Variants in ARMC1 observed in about 807,000 individuals in gnomAD.
The protein encoded by ARMC1 is armadillo repeat-containing protein 1.
Under a neutral mutation model 31.4 loss-of-function variants are expected in ARMC1, and 16 were observed. The observed-to-expected ratio is 0.51, with a 90% confidence interval of 0.34 to 0.77. The LOEUF (loss-of-function observed/expected upper bound fraction) is 0.77. ARMC1 is among the 30% of genes least tolerant of loss of function. The probability of loss-of-function intolerance (pLI) is 0.01; values close to 1 mark genes in which losing one functional copy is unlikely to be tolerated. For synonymous variants in ARMC1, 114 were observed against 118.9 expected, an observed-to-expected ratio of 0.96 and a Z score of 0.27; for missense variants, 259 against 347.5, an observed-to-expected ratio of 0.75 and a Z score of 2.02.
intron 3 of ARMC1, among the ~76,000 whole-genome samples, chr8:65,615,277 T>C (rs1192805942): frequency 2.0e-5 from 3 of 152,166 alleles, no homozygotes; most frequent in African/African-American, 4.8e-5. Flanking sequence ...AGCATTTTTA[T>C]TGATAGCTAT....
At chr8:65,609,224 T>C (rs1400456174) in intron 4 of ARMC1, among the ~76,000 whole-genome samples, 3 of 150,530 alleles carry the variant, frequency 2.0e-5, no homozygotes, top group African/African-American at 4.9e-5. Flanking sequence ...TGCCTTAGCC[T>C]CCCATATAGC....
rs1411562340 is a variant in ARMC1, at chr8:65,603,823, G to A, written c.*571C>T. ...TTCTAGGGGACTACTGTGTTCAAAT[G>A]AATGTTTTTAATCTGCAAAATGTCA... On this transcript the variant is annotated 3_prime_UTR_variant, in exon 7 of 7. Transcript: ENST00000276569. The A allele has an allele frequency of 1.3e-5, 2 of 152,582 alleles. No individual in the cohort carries two copies. The highest frequency in any genetic ancestry group is 4.8e-5 in the African/African-American group (2 of 41,450). 9.5% of individuals were successfully genotyped at this position (152,582 alleles called of 1,614,324 possible).
In ARMC1 at chr8:65,627,240, A is replaced by T. The variant is rs142172461; in HGVS notation, c.159T>A (p.Pro53=). 4.2e-5 allele frequency: 66 copies of T among 1,586,470 alleles called. No individual in the cohort carries two copies. The highest frequency in any genetic ancestry group is 5.2e-5 in the Non-Finnish European group (61 of 1,164,724). Residue 53 remains proline (P), a synonymous_variant, in exon 2 of 7, where the codon CCT becomes CCA. Coordinates refer to ENST00000276569, the MANE Select transcript of ARMC1 (RefSeq NM_018120.6). ...GLILFMDHPN[P]PVVHSALLAL... ...CAAGCAAAGCGGAGTGGACGACTGG[A>T]GGGTTGGGATGGTCCATAAATAAAA...
chr8:65,605,558 T>C lies in ARMC1; in HGVS notation c.466-20A>G. 6.5e-7 allele frequency: 1 copy of C among 1,532,220 alleles called. No individual in the cohort carries two copies. Among genetic ancestry groups the C allele is most frequent in the East Asian group, 2.2e-5 (1 of 44,452 alleles). 94.9% of individuals were successfully genotyped at this position (1,532,220 alleles called of 1,614,324 possible). A position where few individuals can be genotyped will look rare whatever the true frequency, so the allele number is the denominator to read the frequency against. ...CCGAGACTGAAAAAGTAAAAGCAAA[T>C]TGTTATGAAAATAGGTAAATAAAAG... is the stretch of plus-strand genomic sequence containing the variant. On this transcript the variant is annotated intron_variant, in intron 4 of 6. Coordinates refer to ENST00000276569, the MANE Select transcript of ARMC1 (RefSeq NM_018120.6).
At position 65,603,683 on chromosome 8, in the gene ARMC1, TCAAA is replaced by T. The variant is rs900926270; in HGVS notation, c.*707_*710del. 4.6e-5 allele frequency: 7 copies of T among 152,214 alleles called. No individual in the cohort carries two copies. Among genetic ancestry groups the T allele is most frequent in the Non-Finnish European group, 1.0e-4 (7 of 68,038 alleles). The allele number at this position is 152,214 out of a possible 1,614,324, so 9.4% of individuals were successfully genotyped here. On this transcript the variant is annotated 3_prime_UTR_variant, in exon 7 of 7. Coordinates refer to ENST00000276569, the MANE Select transcript of ARMC1 (RefSeq NM_018120.6). ...CAACTAGAACCACATTTGGTCACAT[TCAAA>T]CAGTCTCCAAAAACACTTCACTAAT...
At chr8:65,624,827 A>C (rs1657402966) in intron 2 of ARMC1, among the ~76,000 whole-genome samples, 1 of 152,196 alleles carries the variant, frequency 6.6e-6, no homozygotes, top group South Asian at 2.1e-4. Flanking sequence ...TCATAAAAAC[A>C]ACACACCCAA....
chr8:65,631,423 G>A (rs147656703), intron 1 of ARMC1, among the ~76,000 whole-genome samples: 8,279 of 152,196 alleles, frequency 0.054, 288 homozygotes, highest in Non-Finnish European at 0.082. Context: ...TAGTAGAGAC[G>A]GGGTTTCGCC....
chr8:65,616,958 G>A (rs1444698358), intron 3 of ARMC1, among the ~76,000 whole-genome samples: 1 of 151,824 alleles, frequency 6.6e-6, no homozygotes, highest in Non-Finnish European at 1.5e-5. Flanking sequence ...TCTGGGAAGT[G>A]AGGAGCGTCT....
At chr8:65,607,840 A>AT (rs1247777137) in intron 4 of ARMC1, among the ~76,000 whole-genome samples, 13 of 152,002 alleles carry the variant, frequency 8.6e-5, no homozygotes, top group Middle Eastern at 6.8e-3. Context: ...AAGACCTTTA[A>AT]TTTTTTTTAT....
rs1808530657 is a variant in ARMC1, at chr8:65,627,269, G to A, written c.130C>T (p.Leu44Phe). 2 of 1,612,040 alleles carry A rather than the reference G, an allele frequency of 1.2e-6. No homozygotes were observed. The highest frequency in any genetic ancestry group is 1.7e-6 in the Non-Finnish European group (2 of 1,179,082). The stretch of plus-strand genomic sequence containing the variant: ...TTGGGATGGTCCATAAATAAAATAA[G>A]GCCAGGCAGACATCCCTGATCCTGG... ...IVQDQGCLPG[L>F]ILFMDHPNPP... Residue 44 changes from leucine (L) to phenylalanine (F), a missense_variant, in exon 2 of 7, where the codon CTT becomes TTT. Coordinates refer to ENST00000276569, the MANE Select transcript of ARMC1 (RefSeq NM_018120.6).
At chr8:65,617,725 AC>A (rs1808302340) in intron 3 of ARMC1, among the ~76,000 whole-genome samples, 1 of 152,150 alleles carries the variant, frequency 6.6e-6, no homozygotes, top group African/African-American at 2.4e-5. Context: ...ACTGTTGGGT[AC>A]TACGCTCACT....
chr8:65,626,836 C>G (rs1048285772), intron 2 of ARMC1, among the ~76,000 whole-genome samples: 1 of 151,974 alleles, frequency 6.6e-6, no homozygotes, highest in Admixed American at 6.6e-5. Context: ...GCCAACATGG[C>G]GAAACCCTAT....
At chr8:65,619,977 CAAA>C (rs530126937) in intron 3 of ARMC1, among the ~76,000 whole-genome samples, 3 of 94,420 alleles carry the variant, frequency 3.2e-5, no homozygotes, top group Admixed American at 1.2e-4. Context: ...GGATGAGACT[CAAA>C]AAAAAAAAAA....
chr8:65,619,631 G>A (rs865980419), intron 3 of ARMC1, among the ~76,000 whole-genome samples: 1 of 152,034 alleles, frequency 6.6e-6, no homozygotes, highest in Admixed American at 6.6e-5. Context: ...AGGATCACTT[G>A]AGTCCAGGAG....
At chr8:65,623,036 G>A (rs1266576444) in intron 2 of ARMC1, among the ~76,000 whole-genome samples, 3 of 150,592 alleles carry the variant, frequency 2.0e-5, no homozygotes, top group African/African-American at 2.4e-5. Flanking sequence ...AAGGCTGGGC[G>A]CAGTGGCTCA....
rs763968681 is a variant in ARMC1 at position 65,604,466 on chromosome 8, G to C, written c.777C>G (p.Gly259=). 1.4e-5 allele frequency: 23 copies of C among 1,614,186 alleles called. No individual in the cohort carries two copies. Among genetic ancestry groups the C allele is most frequent in the Non-Finnish European group, 1.9e-5 (22 of 1,180,040 alleles). The stretch of plus-strand genomic sequence containing the variant: ...AGCTAGCTCCACCTTCTGGGTGTGA[G>C]CCGACCCGGGACACCGCTTTGTCCT... The part of the protein sequence containing the change: ...KEQDKAVSRV[G]SHPEGGASWL... Residue 259 remains glycine, a synonymous_variant, in exon 7 of 7, where the codon GGC becomes GGG. Coordinates refer to ENST00000276569, the MANE Select transcript of ARMC1 (RefSeq NM_018120.6).
At chr8:65,626,511 CTG>C (rs1182931493) in intron 2 of ARMC1, among the ~76,000 whole-genome samples, 1 of 150,998 alleles carries the variant, frequency 6.6e-6, no homozygotes, top group East Asian at 1.9e-4. Flanking sequence ...ACACACAACT[CTG>C]TGAATATACT....
chr8:65,604,286 T>C lies in ARMC1; in HGVS notation c.*108A>G, dbSNP rs1024460738. On this transcript the variant is annotated 3_prime_UTR_variant, in exon 7 of 7. Transcript: ENST00000276569. ...ATGCAGCATATGCGATCGTGTAATC[T>C]AAAAACTTTTCATGATAACTTATTG... 13 of 1,079,484 alleles carry C rather than the reference T, an allele frequency of 1.2e-5. No homozygotes were observed. Among genetic ancestry groups the C allele is most frequent in the Middle Eastern group, 3.2e-4 (1 of 3,158 alleles). 66.9% of individuals were successfully genotyped at this position (1,079,484 alleles called of 1,614,324 possible).
chr8:65,612,029 C>T (rs1172868810), intron 4 of ARMC1, among the ~76,000 whole-genome samples: 1 of 152,150 alleles, frequency 6.6e-6, no homozygotes, highest in Non-Finnish European at 1.5e-5. Context: ...CTTGGCCTCC[C>T]AAAGTGCTGG....
Sources: allele counts gnomAD v4.1 joint callset (sites outside exome capture counted in the v4.1 genomes callset), GRCh38; gene constraint gnomAD v4.1.1; transcripts MANE v1.5; gene names NCBI Gene and HGNC (gene_info 2026-07-23, HGNC 2026-07-21).